TMPRSS15: variants seen among roughly 807,000 people sequenced by gnomAD.
The protein encoded by TMPRSS15 is enteropeptidase.
In TMPRSS15, 128 loss-of-function variants were observed where a neutral mutation model predicts 125.3. The ratio of observed to expected loss-of-function variants is 1.02; its 90% CI spans 0.89 to 1.18. The LOEUF is 1.18. TMPRSS15 is among the 50% of genes most tolerant of loss of function. The probability of loss-of-function intolerance (pLI) is 0.00; values close to 1 mark genes in which losing one functional copy is unlikely to be tolerated. For missense variants in TMPRSS15, 1,283 were observed against 1,212.7 expected (o/e 1.06, Z -0.86); for synonymous variants, 446 against 423.2 (o/e 1.05, Z -0.66).
rs566774934 is a variant in TMPRSS15, at chr21:18,421,197, A to G, written c.11-22868T>C. Among the ~76,000 whole-genome samples the G allele has an allele frequency of 3.3e-5, 5 of 152,356 alleles. No individual in the cohort carries two copies. In the East Asian group the frequency reaches 9.6e-4, roughly 29 times the overall value. ...GATGTAAAAATATGCAGCATATTTC[A>G]AATGGATTCTCAATCTTCAAATATT... On this transcript the variant is annotated intron_variant, in intron 1 of 7. Coordinates refer to the TMPRSS15 transcript ENST00000422787.
intron 1 of TMPRSS15, among the ~76,000 whole-genome samples, chr21:18,418,254 C>G (rs947595725): frequency 6.6e-6 from 1 of 152,184 alleles, no homozygotes; most frequent in Non-Finnish European, 1.5e-5. Flanking sequence ...GGATACCTTA[C>G]TTCTGTGGAT....
Position 18,469,253 on chromosome 21 carries a change from G to GT in TMPRSS15, c.10+16545dup, listed in dbSNP as rs1413345699. ...AAGAAGGAGATCACTTCCTTCTTAA[G>GT]TGCTTGAATGCCTAAATTTAGGCTT... On this transcript the variant is annotated intron_variant, in intron 1 of 7. Coordinates refer to the TMPRSS15 transcript ENST00000422787. Among the ~76,000 whole-genome samples the GT allele has an allele frequency of 1.4e-4, 21 of 152,226 alleles. No homozygotes were observed. The East Asian group carries it at 4.1e-3, about 29-fold the overall frequency.
chr21:18,339,155 A>T (rs1188408822), intron 13 of TMPRSS15, among the ~76,000 whole-genome samples: 2 of 152,206 alleles, frequency 1.3e-5, no homozygotes, highest in Non-Finnish European at 2.9e-5. Context: ...TGTTTAGCAG[A>T]TGGCAGATAT....
Position 18,351,585 on chromosome 21 carries a change from G to A in TMPRSS15, c.1171+1318C>T, listed in dbSNP as rs576457378. ...CTCACTGTCTCTTGCCTGCAGCCACGTAAGACGTGTCTGCTTTGCCTTCTG... is the reference window on the plus strand; with the variant it reads ...CTCACTGTCTCTTGCCTGCAGCCACATAAGACGTGTCTGCTTTGCCTTCTG... On this transcript the variant is annotated intron_variant, in intron 10 of 24. Coordinates refer to ENST00000284885, the MANE Select transcript of TMPRSS15 (RefSeq NM_002772.3). Among the ~76,000 whole-genome samples the A allele has an allele frequency of 5.3e-5, 8 of 152,152 alleles. No homozygotes were observed. In the South Asian group the frequency reaches 8.3e-4, roughly 16 times the overall value.
intron 1 of TMPRSS15, among the ~76,000 whole-genome samples, chr21:18,440,265 C>T (rs903537906): frequency 1.6e-4 from 23 of 147,160 alleles, no homozygotes; most frequent in African/African-American, 5.0e-4. Flanking sequence ...CCCAGCTACA[C>T]GGGAGGCTGA....
rs59972471 is a variant in TMPRSS15 at position 18,278,924 on chromosome 21, G to GTTTTTTTT, written c.2764+32_2764+39dup. ...TGACAGTCTGTTTTTCACCAGTAAG[G>GTTTTTTTT]TTTTTTTTTTTTTTTTTTTTTTTGA... On this transcript the variant is annotated intron_variant, in intron 23 of 24. Coordinates refer to ENST00000284885, the MANE Select transcript of TMPRSS15 (RefSeq NM_002772.3). The GTTTTTTTT allele has an allele frequency of 1.1e-3, 484 of 440,064 alleles. 3 individuals carry two copies. Among genetic ancestry groups the GTTTTTTTT allele is most frequent in the South Asian group, 2.0e-3 (95 of 47,634 alleles). The allele number at this position is 440,064 out of a possible 1,614,324, so 27.3% of individuals were successfully genotyped here. A position where few individuals can be genotyped will look rare whatever the true frequency, so the allele number is the denominator to read the frequency against.
intron 7 of TMPRSS15, among the ~76,000 whole-genome samples, chr21:18,364,803 C>T (rs985862605): frequency 6.6e-6 from 1 of 152,088 alleles, no homozygotes; most frequent in Non-Finnish European, 1.5e-5. Flanking sequence ...TAGACAAATG[C>T]AGAAGATGCG....
At chr21:18,400,981 C>T (rs1205698863) in intron 1 of TMPRSS15, among the ~76,000 whole-genome samples, 4 of 152,060 alleles carry the variant, frequency 2.6e-5, no homozygotes, top group Non-Finnish European at 2.9e-5. Flanking sequence ...TTAAAAAATA[C>T]TCATCACCAC....
chr21:18,451,629 A>C (rs1978340976), intron 1 of TMPRSS15, among the ~76,000 whole-genome samples: 1 of 152,158 alleles, frequency 6.6e-6, no homozygotes, highest in African/African-American at 2.4e-5. Context: ...TTCTCTCTAC[A>C]ATTTTCTGCA....
At chr21:18,343,066 T>C (rs969194651) in intron 12 of TMPRSS15, among the ~76,000 whole-genome samples, 8 of 152,108 alleles carry the variant, frequency 5.3e-5, no homozygotes, top group African/African-American at 1.9e-4. Flanking sequence ...CTAAAGGAAA[T>C]ACATGGAGAT....
Position 18,275,143 on chromosome 21 carries a change from A to T in TMPRSS15, c.2904+54T>A. The T allele has an allele frequency of 2.5e-6, 4 of 1,594,146 alleles. No homozygotes were observed. The South Asian group carries it at 3.3e-5, about 13-fold the overall frequency. ...CTAATTATTGTTAAGCAATGAAATA[A>T]CTATAACACCAGTGCTTTCTGAAAA... is the stretch of plus-strand genomic sequence containing the variant. On this transcript the variant is annotated intron_variant, in intron 24 of 24. Transcript: ENST00000284885.
intron 12 of TMPRSS15, 109 bp downstream of exon 12, chr21:18,343,397 G>A (rs2075469064): frequency 1.9e-6 from 2 of 1,059,364 alleles, no homozygotes; most frequent in Non-Finnish European, 2.7e-6. Context: ...TAGAGAAAGT[G>A]ACTTGATTAT....
chr21:18,484,491 CCTT>C (rs1979041024), intron 1 of TMPRSS15, among the ~76,000 whole-genome samples: 1 of 151,710 alleles, frequency 6.6e-6, no homozygotes, highest in African/African-American at 2.4e-5. Context: ...CTACAAGTCT[CCTT>C]CTAACCTTGA....
At chr21:18,330,545 C>G (rs1174012286) in intron 14 of TMPRSS15, among the ~76,000 whole-genome samples, 1 of 152,126 alleles carries the variant, frequency 6.6e-6, no homozygotes, top group Non-Finnish European at 1.5e-5. Flanking sequence ...TGCCTTTACC[C>G]TTATTATAAC....
chr21:18,343,732 T>G (rs1017926855), intron 11 of TMPRSS15, 76 bp from the exon 12 acceptor site: 60 of 1,493,612 alleles, frequency 4.0e-5, no homozygotes, highest in Non-Finnish European at 5.2e-5. Context: ...TTTCTACATT[T>G]TTTACTTTCT....
intron 1 of TMPRSS15, among the ~76,000 whole-genome samples, chr21:18,444,680 T>C (rs937781295): frequency 6.6e-6 from 1 of 152,206 alleles, no homozygotes; most frequent in African/African-American, 2.4e-5. Context: ...ACCTCAAACA[T>C]GTGTCATTTC....
At chr21:18,393,898 T>C (rs2076010879) in intron 3 of TMPRSS15, among the ~76,000 whole-genome samples, 1 of 152,154 alleles carries the variant, frequency 6.6e-6, no homozygotes, top group Non-Finnish European at 1.5e-5. Context: ...TTAATGATAG[T>C]GGTTGAATGA....
At chr21:18,448,338 A>C (rs780083967) in intron 1 of TMPRSS15, among the ~76,000 whole-genome samples, 15 of 152,124 alleles carry the variant, frequency 9.9e-5, no homozygotes, top group African/African-American at 2.9e-4. Flanking sequence ...AAGAATGCAG[A>C]CTCTGGAGTG....
intron 6 of TMPRSS15, 42 bp downstream of exon 6, chr21:18,372,151 G>C (rs765095991): frequency 2.0e-6 from 3 of 1,496,046 alleles, no homozygotes; most frequent in Non-Finnish European, 1.8e-6. Context: ...TACAGTGAGG[G>C]AGGATAAAAC....
Sources: gnomAD v4.1 joint callset for allele counts (sites outside exome capture counted in the v4.1 genomes callset) on GRCh38, gnomAD v4.1.1 for gene constraint, MANE v1.5 for transcripts, NCBI Gene and HGNC (gene_info 2026-07-23, HGNC 2026-07-21) for gene names.